The following CRYZ variants were observed in gnomAD, a reference collection of about 807,000 sequenced individuals.
CRYZ encodes zeta-crystallin.
Under a neutral mutation model 34.1 loss-of-function variants are expected in CRYZ, and 35 were observed. The ratio of observed to expected loss-of-function variants is 1.03; its 90% CI spans 0.78 to 1.36. The LOEUF (loss-of-function observed/expected upper bound fraction) is 1.36, where lower values mean the gene tolerates loss of function less well. Ranked by LOEUF, CRYZ falls within the 40% of genes most tolerant of loss-of-function variation. CRYZ has a pLI of 0.00. For synonymous variants in CRYZ, 137 were observed against 136.5 expected (o/e 1.00, Z -0.03); for missense variants, 403 against 391.8 (o/e 1.03, Z -0.24).
At chr1:74,728,013 G>A (rs1647477231) in intron 1 of CRYZ, among the ~76,000 whole-genome samples, 1 of 152,028 alleles carries the variant, frequency 6.6e-6, no homozygotes, top group African/African-American at 2.4e-5. Context: ...TTATTGTTTT[G>A]CATGTTTTCA....
In CRYZ at chr1:74,714,613, C is replaced by G. The variant is rs776285088; in HGVS notation, c.446G>C (p.Gly149Ala). The change falls in exon 5 of 9, where the codon GGA becomes GCA. Residue 149 changes from glycine (G) to alanine (A), a missense_variant. Physicochemically the swap from Gly to Ala is moderately conservative, Grantham distance 60. Transcript: ENST00000340866. ...TGCCCCATGAACCAGAACACTCTCT[C>G]CAGCTTTCACACAGGCACTGCAAAG... ...ALIHSACVKA[G>A]ESVLVHGASG... The G allele has an allele frequency of 6.2e-7, 1 of 1,613,750 alleles. No homozygotes were observed. The highest frequency in any genetic ancestry group is 8.5e-7 in the Non-Finnish European group (1 of 1,179,766).
At chr1:74,726,008 C>T (rs915377409) in intron 1 of CRYZ, among the ~76,000 whole-genome samples, 3 of 152,238 alleles carry the variant, frequency 2.0e-5, no homozygotes, top group Non-Finnish European at 4.4e-5. Context: ...AGCTCTGCCC[C>T]TGTGGCTTTG....
Position 74,714,650 on chromosome 1 carries a change from T to C in CRYZ, c.429-20A>G, listed in dbSNP as rs74095153. ...CAGGCACTGCAAAGGAAAGCATAAG[T>C]TACATCACCTTATTTTTTGAAGCTA... On this transcript the variant is annotated intron_variant, in intron 4 of 8. Transcript: ENST00000340866. 6 of 1,612,492 alleles carry C rather than the reference T, an allele frequency of 3.7e-6. No individual in the cohort carries two copies. Among genetic ancestry groups the C allele is most frequent in the Non-Finnish European group, 5.1e-6 (6 of 1,178,960 alleles).
chr1:74,727,084 T>G (rs535854358), intron 1 of CRYZ, among the ~76,000 whole-genome samples: 40 of 151,938 alleles, frequency 2.6e-4, no homozygotes, highest in African/African-American at 9.4e-4. Context: ...AGTTCCAAAC[T>G]TTCCCAAATC....
intron 5 of CRYZ, among the ~76,000 whole-genome samples, chr1:74,714,338 A>G (rs1291119737): frequency 1.3e-5 from 2 of 152,084 alleles, no homozygotes; most frequent in African/African-American, 2.4e-5. Context: ...TACACCCAAT[A>G]CAGGTGGAAA....
intron 1 of CRYZ, among the ~76,000 whole-genome samples, chr1:74,726,494 C>T (rs1489360493): frequency 2.0e-5 from 3 of 152,172 alleles, no homozygotes; most frequent in Admixed American, 2.0e-4. Flanking sequence ...GGCATGGAGG[C>T]CCTGGGCCCG....
At chr1:74,707,454 G>A (rs1484499466) in intron 6 of CRYZ, 3 of 247,884 alleles carry the variant, frequency 1.2e-5, no homozygotes, top group Non-Finnish European at 1.5e-5. Context: ...AAGTTTGTCT[G>A]GAATTTTCAG....
chr1:74,723,133 A>T lies in CRYZ; in HGVS notation c.249T>A (p.Asn83Lys), dbSNP rs1647193740. 6.2e-7 allele frequency: 1 copy of T among 1,611,300 alleles called. No individual in the cohort carries two copies. Among genetic ancestry groups the T allele is most frequent in the Non-Finnish European group, 8.5e-7 (1 of 1,179,378 alleles). ...AATGCAATACCTTGAAAGCAGATGC[A>T]TTATCTCCAACAGCTTCTATCACCC... is the stretch of plus-strand genomic sequence containing the variant. The part of the protein sequence containing the change: ...VAGVIEAVGD[N>K]ASAFKKGDRV... The change falls in exon 3 of 9, where the codon AAT becomes AAA. Residue 83 changes from asparagine (N) to lysine (K), a missense_variant. Asn to Lys is a moderately conservative substitution (Grantham distance 94). Coordinates refer to ENST00000340866, the MANE Select transcript of CRYZ (RefSeq NM_001889.4).
At chr1:74,718,662 C>G (rs1647110185) in intron 4 of CRYZ, among the ~76,000 whole-genome samples, 2 of 152,034 alleles carry the variant, frequency 1.3e-5, no homozygotes, top group Non-Finnish European at 2.9e-5. Context: ...GTTACCCTTC[C>G]TGAGGTGAAT....
chr1:74,728,990 A>T lies in CRYZ; in HGVS notation c.-14+3966T>A, dbSNP rs149214336. On this transcript the variant is annotated intron_variant, in intron 1 of 8. Coordinates refer to ENST00000340866, the MANE Select transcript of CRYZ (RefSeq NM_001889.4). ...TCCAGTCCTACTCAGCAATCTCACC[A>T]CTCTACTTCCATTCAGGTCTTCACT... 1.9e-3 allele frequency among the ~76,000 whole-genome samples: 296 copies of T among 152,300 alleles called. 1 individual carries two copies. The highest frequency in any genetic ancestry group is 6.9e-3 in the African/African-American group (285 of 41,562).
chr1:74,728,049 T>C (rs942256597), intron 1 of CRYZ, among the ~76,000 whole-genome samples: 1 of 152,180 alleles, frequency 6.6e-6, no homozygotes, highest in Non-Finnish European at 1.5e-5. Context: ...GTTTAGGGAA[T>C]ATAAAAATCT....
intron 3 of CRYZ, 30 bp from the exon 4 acceptor site, chr1:74,719,402 G>A (rs1431816581): frequency 1.3e-6 from 2 of 1,586,198 alleles, no homozygotes; most frequent in South Asian, 1.1e-5. Context: ...AATAAATGCA[G>A]GAAGACTAAA....
chr1:74,731,716 T>C (rs1018762532), intron 1 of CRYZ, among the ~76,000 whole-genome samples: 1 of 152,180 alleles, frequency 6.6e-6, no homozygotes, highest in African/African-American at 2.4e-5. Flanking sequence ...CTCGCTGCGC[T>C]AACCAGACAC....
chr1:74,722,039 A>G (rs1210384909), intron 3 of CRYZ, among the ~76,000 whole-genome samples: 1 of 152,204 alleles, frequency 6.6e-6, no homozygotes, highest in Admixed American at 6.6e-5. Context: ...AGAAAATTCT[A>G]TGCTAAAGAT....
intron 4 of CRYZ, among the ~76,000 whole-genome samples, chr1:74,715,902 AAC>A (rs1647065876): frequency 6.7e-6 from 1 of 150,276 alleles, no homozygotes; most frequent in African/African-American, 2.5e-5. Context: ...CTGTTACAGA[AAC>A]AGTGTTTTTT....
At chr1:74,724,559 A>C in intron 2 of CRYZ, 152 bp downstream of exon 2, 1 of 509,944 alleles carries the variant, frequency 2.0e-6, no homozygotes, top group Non-Finnish European at 3.5e-6. Context: ...GTTTATGTTA[A>C]CTTTATCAAT....
In CRYZ at chr1:74,707,209, A is replaced by G; in HGVS notation, c.631-5T>C. Reference sequence around the variant, plus strand: ...TCCTTTCTCACCAACATACTTCTATATAATAAAAGAGAAATGTAGAGTAAG... The same window carrying G: ...TCCTTTCTCACCAACATACTTCTATGTAATAAAAGAGAAATGTAGAGTAAG... On this transcript the variant is annotated splice_region_variant and splice_polypyrimidine_tract_variant and intron_variant, in intron 6 of 8. Transcript: ENST00000340866. 1 of 1,443,908 alleles carries G rather than the reference A, an allele frequency of 6.9e-7. No individual in the cohort carries two copies. Among genetic ancestry groups the G allele is most frequent in the South Asian group, 1.2e-5 (1 of 81,684 alleles). The allele number at this position is 1,443,908 out of a possible 1,614,324, so 89.4% of individuals were successfully genotyped here.
Position 74,729,472 on chromosome 1 carries a change from T to A in CRYZ, c.-14+3484A>T, listed in dbSNP as rs189046282. Among the ~76,000 whole-genome samples, 312 of 114,660 alleles carry A rather than the reference T, an allele frequency of 2.7e-3. 1 individual carries two copies. Among genetic ancestry groups the A allele is most frequent in the South Asian group, 5.7e-3 (19 of 3,334 alleles). 75.2% of individuals were successfully genotyped at this position (114,660 alleles called of 152,430 possible). ...GCCTTGGCAACATGGCGAAATGCCA[T>A]CTCTACAAAAAAAAAAAAAAAAATT... is the stretch of plus-strand genomic sequence containing the variant. On this transcript the variant is annotated intron_variant, in intron 1 of 8. Coordinates refer to ENST00000340866, the MANE Select transcript of CRYZ (RefSeq NM_001889.4).
chr1:74,705,565 G>T lies in CRYZ; in HGVS notation c.*731C>A, dbSNP rs1646917076. 1 of 151,968 alleles carries T rather than the reference G, an allele frequency of 6.6e-6. No homozygotes were observed. The highest frequency in any genetic ancestry group is 1.5e-5 in the Non-Finnish European group (1 of 67,946). The allele number at this position is 151,968 out of a possible 1,614,324, so 9.4% of individuals were successfully genotyped here. ...ATAATTCTTAATTTATCAAATTTGT[G>T]AGCTTAATTAACAAAAATATTTGAC... On this transcript the variant is annotated 3_prime_UTR_variant, in exon 9 of 9. Coordinates refer to ENST00000340866, the MANE Select transcript of CRYZ (RefSeq NM_001889.4).
Sources: gnomAD v4.1 joint callset for allele counts (sites outside exome capture counted in the v4.1 genomes callset) on GRCh38, gnomAD v4.1.1 for gene constraint, MANE v1.5 for transcripts, NCBI Gene and HGNC (gene_info 2026-07-23, HGNC 2026-07-21) for gene names.